FSTL5: variants seen among roughly 807,000 people sequenced by gnomAD.
The protein encoded by FSTL5 is follistatin like 5.
Under a neutral mutation model 89.1 loss-of-function variants are expected in FSTL5, and 62 were observed. The observed-to-expected ratio is 0.70, with a 90% CI of 0.57 to 0.86. The LOEUF (loss-of-function observed/expected upper bound fraction) is 0.86. FSTL5 is among the 40% of genes least tolerant of loss of function. The probability of loss-of-function intolerance (pLI) is 0.00; values close to 1 mark genes in which losing one functional copy is unlikely to be tolerated. For missense variants in FSTL5, 1,057 were observed against 1,001.6 expected (o/e 1.06, Z -0.75); for synonymous variants, 383 against 346.2 (o/e 1.11, Z -1.18).
chr4:161,401,081 C>T (rs757150528), intron 15 of FSTL5, among the ~76,000 whole-genome samples: 3 of 152,070 alleles, frequency 2.0e-5, no homozygotes, highest in Non-Finnish European at 4.4e-5. Flanking sequence ...TAGAATTTAA[C>T]ATTGAATGTG....
intron 4 of FSTL5, among the ~76,000 whole-genome samples, chr4:161,821,039 G>T (rs542258351): frequency 6.6e-6 from 1 of 150,958 alleles, no homozygotes; most frequent in Admixed American, 6.6e-5. Context: ...AGTTTTCTTT[G>T]TTTGTTTGTT....
intron 4 of FSTL5, among the ~76,000 whole-genome samples, chr4:161,779,414 T>C (rs1397980826): frequency 1.3e-5 from 2 of 152,086 alleles, no homozygotes; most frequent in East Asian, 3.9e-4. Context: ...ATGTTATTAA[T>C]AATAGATAAC....
At position 161,776,572 on chromosome 4, in the gene FSTL5, T is replaced by A. The variant is rs144061385; in HGVS notation, c.410-498A>T. On this transcript the variant is annotated intron_variant, in intron 4 of 15. Transcript: ENST00000306100. ...ACGTATGTATATATGTATATATACA[T>A]ATGAGATTCCAAAAGATGATACCAC... Among the ~76,000 whole-genome samples the A allele has an allele frequency of 1.8e-4, 28 of 151,990 alleles. No homozygotes were observed. The East Asian group carries it at 5.4e-3, about 29-fold the overall frequency.
At chr4:161,638,071 C>T (rs1222519222) in intron 7 of FSTL5, among the ~76,000 whole-genome samples, 9 of 151,152 alleles carry the variant, frequency 6.0e-5, no homozygotes, top group Non-Finnish European at 7.4e-5. Context: ...GCCATTTTCA[C>T]GATATTGATT....
rs557123548 is a variant in FSTL5, at chr4:161,432,552, C to A, written c.1841+22452G>T. On this transcript the variant is annotated intron_variant, in intron 15 of 15. Coordinates refer to ENST00000306100, the MANE Select transcript of FSTL5 (RefSeq NM_020116.5). ...TCTTAAAGAACTAGAAAAGCAGGAA[C>A]AAACTTAATCCAAAATTAGTAGAAT... 3.3e-5 allele frequency among the ~76,000 whole-genome samples: 5 copies of A among 151,744 alleles called. No homozygotes were observed. In the East Asian group the frequency reaches 9.7e-4, roughly 29 times the overall value.
intron 7 of FSTL5, among the ~76,000 whole-genome samples, chr4:161,601,039 A>T (rs1392134754): frequency 1.3e-5 from 2 of 152,150 alleles, no homozygotes; most frequent in African/African-American, 4.8e-5. Context: ...TAAGTACAAA[A>T]AAAATCATCT....
At chr4:161,651,254 AT>A (rs921874452) in intron 7 of FSTL5, among the ~76,000 whole-genome samples, 5 of 151,792 alleles carry the variant, frequency 3.3e-5, no homozygotes, top group Non-Finnish European at 7.4e-5. Context: ...ATAATGGCAG[AT>A]TTTTTAGAAC....
At chr4:161,947,372 T>C (rs556434599) in intron 3 of FSTL5, among the ~76,000 whole-genome samples, 1 of 152,154 alleles carries the variant, frequency 6.6e-6, no homozygotes, top group African/African-American at 2.4e-5. Context: ...TTTAAGATTC[T>C]ACACTTTATG....
At chr4:162,045,939 AG>A (rs147034668) in intron 2 of FSTL5, among the ~76,000 whole-genome samples, 14,001 of 152,208 alleles carry the variant, frequency 0.092, 764 homozygotes, top group Non-Finnish European at 0.12. Context: ...GAGTTTTTTA[AG>A]AGGATAATGA....
At chr4:161,802,098 T>A (rs747650834) in intron 4 of FSTL5, among the ~76,000 whole-genome samples, 1 of 151,680 alleles carries the variant, frequency 6.6e-6, no homozygotes, top group Non-Finnish European at 1.5e-5. Context: ...TATTTTGATC[T>A]CTTTTAGTAT....
chr4:161,900,282 CA>C (rs919009874), intron 4 of FSTL5, among the ~76,000 whole-genome samples: 8 of 152,014 alleles, frequency 5.3e-5, no homozygotes, highest in Non-Finnish European at 1.2e-4. Flanking sequence ...ACCACTGGAG[CA>C]GAAAAACTAA....
intron 7 of FSTL5, among the ~76,000 whole-genome samples, chr4:161,590,298 G>A (rs1387444131): frequency 6.6e-6 from 1 of 152,124 alleles, no homozygotes. Flanking sequence ...CCAACACTTT[G>A]GGGGCCAAGG....
At chr4:161,940,862 T>A (rs542543112) in intron 3 of FSTL5, among the ~76,000 whole-genome samples, 168 of 151,878 alleles carry the variant, frequency 1.1e-3, no homozygotes, top group Admixed American at 2.6e-3. Context: ...TAAAGGCAAC[T>A]ACATAGGTAA....
chr4:161,564,510 A>C (rs1176355929), intron 8 of FSTL5, among the ~76,000 whole-genome samples: 1 of 146,292 alleles, frequency 6.8e-6, no homozygotes, highest in East Asian at 1.9e-4. Context: ...TTATTTAATT[A>C]ACTCATATAA....
At chr4:162,053,264 A>G (rs1306621723) in intron 2 of FSTL5, among the ~76,000 whole-genome samples, 1 of 151,790 alleles carries the variant, frequency 6.6e-6, no homozygotes, top group Non-Finnish European at 1.5e-5. Context: ...AGTGTTTTTC[A>G]GAGTATCTGT....
intron 6 of FSTL5, among the ~76,000 whole-genome samples, chr4:161,740,535 G>A (rs1739984485): frequency 6.6e-6 from 1 of 151,766 alleles, no homozygotes; most frequent in Non-Finnish European, 1.5e-5. Context: ...TTCAAAGAAA[G>A]AATAGTGAGA....
At chr4:161,943,537 TC>T in intron 3 of FSTL5, among the ~76,000 whole-genome samples, 2 of 69,576 alleles carry the variant, frequency 2.9e-5, no homozygotes, top group Non-Finnish European at 3.1e-5. Context: ...AACCACTGTA[TC>T]TTTTTTTTTT....
At chr4:161,779,803 A>G (rs866504185) in intron 4 of FSTL5, among the ~76,000 whole-genome samples, 14 of 54,354 alleles carry the variant, frequency 2.6e-4, no homozygotes, top group Admixed American at 6.8e-4. Flanking sequence ...ATATATATAT[A>G]TATATATGTA....
chr4:161,560,507 T>G (rs2126569873), intron 8 of FSTL5, among the ~76,000 whole-genome samples: 1 of 151,928 alleles, frequency 6.6e-6, no homozygotes, highest in African/African-American at 2.4e-5. Flanking sequence ...GTAATAACAC[T>G]TAGCTTCAAA....
Sources: allele counts gnomAD v4.1 joint callset (sites outside exome capture counted in the v4.1 genomes callset), GRCh38; gene constraint gnomAD v4.1.1; transcripts MANE v1.5; gene names NCBI Gene and HGNC (gene_info 2026-07-23, HGNC 2026-07-21).